Variants in LRRC36 observed in about 807,000 individuals in gnomAD.
LRRC36 encodes leucine-rich repeat-containing protein 36.
In LRRC36, 62 loss-of-function variants were observed where a neutral mutation model predicts 81.1. The ratio of observed to expected loss-of-function variants is 0.76; its 90% confidence interval spans 0.62 to 0.94. The LOEUF is 0.94. Ranked by LOEUF, LRRC36 falls within the 40% of genes least tolerant of loss-of-function variation. The pLI is 0.00. For missense variants in LRRC36, 761 were observed against 881.7 expected (o/e 0.86, Z 1.73); for synonymous variants, 334 against 348.6 (o/e 0.96, Z 0.47).
At chr16:67,383,189 G>A (rs566116967) in intron 13 of LRRC36, among the ~76,000 whole-genome samples, 6 of 151,720 alleles carry the variant, frequency 4.0e-5, no homozygotes, top group East Asian at 1.9e-4. Context: ...TTGGCTTGCC[G>A]ATAATACACA....
chr16:67,346,488 C>T, intron 3 of LRRC36, 40 bp downstream of exon 3: 1 of 1,387,894 alleles, frequency 7.2e-7, no homozygotes, highest in Non-Finnish European at 9.9e-7. Context: ...CAGAATCTTA[C>T]TTTAAATCAG....
chr16:67,367,496 G>A, intron 8 of LRRC36, 39 bp downstream of exon 8: 1 of 1,518,472 alleles, frequency 6.6e-7, no homozygotes, highest in African/African-American at 1.4e-5. Context: ...TTCTTCATAG[G>A]CATGAAGATA....
At chr16:67,366,576 C>A (rs2039400124) in intron 7 of LRRC36, among the ~76,000 whole-genome samples, 1 of 151,950 alleles carries the variant, frequency 6.6e-6, no homozygotes, top group South Asian at 2.1e-4. Context: ...ACGGTGAAAC[C>A]CCATCTCTAC....
At chr16:67,372,970 A>AGT (rs2039714773) in intron 9 of LRRC36, among the ~76,000 whole-genome samples, 1 of 152,208 alleles carries the variant, frequency 6.6e-6, no homozygotes, top group Non-Finnish European at 1.5e-5. Context: ...CTGTATTCAG[A>AGT]GTGAAGATCC....
rs1388358119 is a variant in LRRC36 at position 67,356,937 on chromosome 16, A to G, written c.577+6647A>G. Among the ~76,000 whole-genome samples, 3 of 152,192 alleles carry G rather than the reference A, an allele frequency of 2.0e-5. No homozygotes were observed. In the East Asian group the frequency reaches 5.8e-4, roughly 29 times the overall value. ...CCAAGTTGCAAAGGCCCTCTTTACTAATTATGTTCATTTTATTCTCTTGAA... is the reference window on the plus strand; with the variant it reads ...CCAAGTTGCAAAGGCCCTCTTTACTGATTATGTTCATTTTATTCTCTTGAA... On this transcript the variant is annotated intron_variant, in intron 5 of 13. Transcript: ENST00000329956.
At chr16:67,368,336 A>G (rs1306874079) in intron 8 of LRRC36, among the ~76,000 whole-genome samples, 9 of 152,220 alleles carry the variant, frequency 5.9e-5, no homozygotes, top group African/African-American at 1.9e-4. Flanking sequence ...AAAAAATTAT[A>G]TAAGGGCATA....
chr16:67,341,107 A>G lies in LRRC36; in HGVS notation c.71-850A>G, dbSNP rs1051058015. 1.7e-4 allele frequency among the ~76,000 whole-genome samples: 18 copies of G among 109,006 alleles called. 1 individual carries two copies. The highest frequency in any genetic ancestry group is 7.4e-4 in the African/African-American group (18 of 24,322). 71.5% of individuals were successfully genotyped at this position (109,006 alleles called of 152,430 possible). ...ATATTCTATAGAATATGTACTCTACATATTCTATAGAATATGTACTCTACA... is the reference window on the plus strand; with the variant it reads ...ATATTCTATAGAATATGTACTCTACGTATTCTATAGAATATGTACTCTACA... On this transcript the variant is annotated intron_variant, in intron 1 of 13. Coordinates refer to ENST00000329956, the MANE Select transcript of LRRC36 (RefSeq NM_018296.6).
At chr16:67,358,073 A>C (rs2142067226) in intron 5 of LRRC36, among the ~76,000 whole-genome samples, 1 of 152,324 alleles carries the variant, frequency 6.6e-6, no homozygotes, top group East Asian at 1.9e-4. Context: ...AGTATAAGAC[A>C]AGAAAAAAAT....
chr16:67,363,063 G>A (rs549881064), intron 5 of LRRC36, among the ~76,000 whole-genome samples: 6 of 152,276 alleles, frequency 3.9e-5, no homozygotes, highest in East Asian at 3.9e-4. Context: ...GATTACAGGC[G>A]TGAGCCACCA....
Position 67,341,960 on chromosome 16 carries a change from T to G in LRRC36, c.74T>G (p.Leu25Arg). 3.1e-6 allele frequency: 5 copies of G among 1,608,110 alleles called. No homozygotes were observed. Among genetic ancestry groups the G allele is most frequent in the Non-Finnish European group, 4.3e-6 (5 of 1,176,454 alleles). The change falls in exon 2 of 14, where the codon CTG (leucine) becomes CGG (arginine). Residue 25 changes from leucine (L) to arginine (R), a missense_variant. Leu to Arg is a moderately radical substitution (Grantham distance 102). Around this residue, in one of 3 missense-constraint regions of LRRC36, gnomAD observed 263 missense variants for 279.3 expected, o/e 0.94. Coordinates refer to ENST00000329956, the MANE Select transcript of LRRC36 (RefSeq NM_018296.6). Reference sequence around the variant, plus strand: ...TCTACTGATGATCTCTTTTCAGAACTGGTGGAGTCTCTTTCATTGCAGGGA... The same window carrying G: ...TCTACTGATGATCTCTTTTCAGAACGGGTGGAGTCTCTTTCATTGCAGGGA... ...LGALTLEQPELVESLSLQGSY... is the reference protein window; with the variant it reads ...LGALTLEQPERVESLSLQGSY...
intron 1 of LRRC36, among the ~76,000 whole-genome samples, chr16:67,341,228 ATATATATAAT>A (rs1271898477): frequency 3.1e-4 from 43 of 138,754 alleles, no homozygotes; most frequent in Admixed American, 1.3e-3. Context: ...ATATAATTTA[ATATATATAAT>A]TATATATAAT....
chr16:67,343,741 T>C (rs1277037485), intron 2 of LRRC36, among the ~76,000 whole-genome samples: 7 of 151,762 alleles, frequency 4.6e-5, no homozygotes, highest in African/African-American at 1.5e-4. Flanking sequence ...AGAACATATA[T>C]AAGACTCCTG....
At chr16:67,365,127 GTA>G in intron 6 of LRRC36, 175 bp from the exon 7 acceptor site, 1 of 564,912 alleles carries the variant, frequency 1.8e-6, no homozygotes, top group South Asian at 2.5e-5. Context: ...GAATCTCCTT[GTA>G]TTGTGACTGT....
chr16:67,354,005 C>A (rs1343743044), intron 5 of LRRC36, among the ~76,000 whole-genome samples: 2 of 152,160 alleles, frequency 1.3e-5, no homozygotes, highest in African/African-American at 4.8e-5. Context: ...CTCCCACTCC[C>A]CTACTAAATT....
intron 10 of LRRC36, 137 bp downstream of exon 10, chr16:67,375,549 A>G: frequency 1.6e-6 from 1 of 611,414 alleles, no homozygotes; most frequent in Non-Finnish European, 2.6e-6. Flanking sequence ...TCTCAGAAAC[A>G]TCATAGTTAA....
intron 9 of LRRC36, among the ~76,000 whole-genome samples, chr16:67,374,770 G>A (rs565262368): frequency 6.6e-5 from 10 of 151,758 alleles, no homozygotes. Flanking sequence ...TTATGTTTTT[G>A]TCTTAGACAT....
At position 67,346,354 on chromosome 16, in the gene LRRC36, C is replaced by T; in HGVS notation, c.297C>T (p.Leu99=). ...CCCGTCTACAACCGTTACCCTTCCT[C>T]AAAGAACTGGATTTGAGACTTAATC... The part of the protein sequence containing the change: ...EVSRLQPLPF[L]KELDLRLNPV... The change falls in exon 3 of 14, where the codon CTC becomes CTT. Residue 99 remains leucine, a synonymous_variant. Transcript: ENST00000329956. The T allele has an allele frequency of 1.9e-6, 3 of 1,612,940 alleles. No homozygotes were observed. Among genetic ancestry groups the T allele is most frequent in the Non-Finnish European group, 2.5e-6 (3 of 1,179,072 alleles).
At chr16:67,357,664 C>A (rs1269852195) in intron 5 of LRRC36, among the ~76,000 whole-genome samples, 4 of 152,158 alleles carry the variant, frequency 2.6e-5, no homozygotes, top group African/African-American at 9.7e-5. Flanking sequence ...AAGAGAATGG[C>A]ATCAGGAGAT....
chr16:67,327,072 G>A lies in LRRC36; in HGVS notation c.70+140G>A, dbSNP rs1160066426. ...GGTACCTGAGGCTGGGGGGCGGGGG[G>A]ATAACTTGAGGCAGAAGGTTAGAGG... is the stretch of plus-strand genomic sequence containing the variant. On this transcript the variant is annotated intron_variant, in intron 1 of 13. Transcript: ENST00000329956. The A allele has an allele frequency of 2.4e-5, 17 of 712,112 alleles. 1 individual carries two copies. Among genetic ancestry groups the A allele is most frequent in the Non-Finnish European group, 3.6e-5 (17 of 473,840 alleles). The allele number at this position is 712,112 out of a possible 1,614,324, so 44.1% of individuals were successfully genotyped here.
Sources: allele counts gnomAD v4.1 joint callset (sites outside exome capture counted in the v4.1 genomes callset), GRCh38; gene constraint gnomAD v4.1.1; regional missense constraint gnomAD v4.1.1; transcripts MANE v1.5; gene names NCBI Gene and HGNC (gene_info 2026-07-23, HGNC 2026-07-21).